The following TMEM114 variants were observed in gnomAD, a reference collection of about 807,000 sequenced individuals.
TMEM114 encodes the protein transmembrane protein 114, also known as claudin-26.
A neutral mutation model predicts 6.2 loss-of-function variants in TMEM114; 6 were observed. That is an observed-to-expected ratio of 0.97 (90% CI 0.53 to 1.91). The LOEUF (loss-of-function observed/expected upper bound fraction) is 1.91. Ranked by LOEUF, TMEM114 falls within the 40% of genes most tolerant of loss-of-function variation. TMEM114 has a pLI of 0.01. For synonymous variants in TMEM114, 104 were observed against 73.0 expected, an observed-to-expected ratio of 1.42 and a Z score of -2.16; for missense variants, 218 against 158.3, an observed-to-expected ratio of 1.38 and a Z score of -2.02.
At position 8,556,991 on chromosome 16, in the gene TMEM114, G is replaced by C. The variant is rs139234406; in HGVS notation, n.213-19165C>G. Among the ~76,000 whole-genome samples, 230 of 152,272 alleles carry C rather than the reference G, an allele frequency of 1.5e-3. 7 individuals are homozygous for C. The East Asian group carries it at 0.042, about 28-fold the overall frequency. On this transcript the variant is annotated intron_variant and non_coding_transcript_variant, in intron 2 of 2. Coordinates refer to the TMEM114 transcript ENST00000623677. Reference sequence around the variant, plus strand: ...AATAGTTGGATTTTGCTGGGGACCAGAGCTGGAGGTGTCTGAGATCCCATG... The same window carrying C: ...AATAGTTGGATTTTGCTGGGGACCACAGCTGGAGGTGTCTGAGATCCCATG...
intron 2 of TMEM114, among the ~76,000 whole-genome samples, chr16:8,538,131 T>C (rs1278501288): frequency 5.4e-4 from 2 of 3,718 alleles, no homozygotes; most frequent in South Asian, 7.7e-3. Context: ...TGACTGTCTC[T>C]ACAAAAAAAA....
chr16:8,580,651 C>T (rs897574883), intron 2 of TMEM114, among the ~76,000 whole-genome samples: 7 of 152,100 alleles, frequency 4.6e-5, no homozygotes, highest in Non-Finnish European at 8.8e-5. Context: ...TATATATTCA[C>T]ATATTCCTCA....
intron 2 of TMEM114, among the ~76,000 whole-genome samples, chr16:8,562,632 A>C (rs1334495896): frequency 7.9e-6 from 1 of 127,020 alleles, no homozygotes; most frequent in Non-Finnish European, 1.8e-5. Flanking sequence ...GAGTGAATGA[A>C]TCAGTCAGTA....
the TMEM114 span, among the ~76,000 whole-genome samples, chr16:8,531,697 A>T: frequency 2.0e-5 from 3 of 152,254 alleles, no homozygotes; most frequent in Non-Finnish European, 4.4e-5. Flanking sequence ...TAACATTCAA[A>T]GTAACAATTG....
chr16:8,553,493 CTT>C (rs112930945), intron 2 of TMEM114, among the ~76,000 whole-genome samples: 1 of 150,520 alleles, frequency 6.6e-6, no homozygotes, highest in Non-Finnish European at 1.5e-5. Context: ...GCTTTTCTTT[CTT>C]TTTTTTTTGA....
intron 2 of TMEM114, among the ~76,000 whole-genome samples, chr16:8,550,776 C>T (rs1000314660): frequency 6.6e-6 from 1 of 151,988 alleles, no homozygotes; most frequent in Admixed American, 6.6e-5. Flanking sequence ...GAATGTTCAC[C>T]TCCTGCCCAC....
intron 2 of TMEM114, among the ~76,000 whole-genome samples, chr16:8,587,745 A>G (rs1902359732): frequency 6.6e-6 from 1 of 152,216 alleles, no homozygotes; most frequent in Admixed American, 6.5e-5. Context: ...TGAGAGACTA[A>G]GGCAGGAAGA....
chr16:8,538,395 G>C lies in TMEM114; in HGVS notation n.213-569C>G, dbSNP rs1015277259. Among the ~76,000 whole-genome samples, 3 of 152,126 alleles carry C rather than the reference G, an allele frequency of 2.0e-5. No homozygotes were observed. The East Asian group carries it at 5.8e-4, about 29-fold the overall frequency. On this transcript the variant is annotated intron_variant and non_coding_transcript_variant, in intron 2 of 2. Coordinates refer to the TMEM114 transcript ENST00000623677. ...AGCCAGTGGGCAGATAGAGACCTGA[G>C]GCAGGAGAGAAGTGTCATCGTGTTC...
chr16:8,542,398 T>C (rs1900541258), intron 2 of TMEM114, among the ~76,000 whole-genome samples: 1 of 152,148 alleles, frequency 6.6e-6, no homozygotes, highest in East Asian at 1.9e-4. Flanking sequence ...GATGTGAGGG[T>C]CTCCCTTAGT....
chr16:8,526,910 G>T, the TMEM114 span, among the ~76,000 whole-genome samples: 1,260 of 152,298 alleles, frequency 8.3e-3, 17 homozygotes, highest in African/African-American at 0.029. Context: ...CTTTGAACAT[G>T]AAAACATGCT....
Position 8,550,785 on chromosome 16 carries a change from A to C in TMEM114, n.213-12959T>G, listed in dbSNP as rs1280977676. On this transcript the variant is annotated intron_variant and non_coding_transcript_variant, in intron 2 of 2. Transcript: ENST00000623677. The stretch of plus-strand genomic sequence containing the variant: ...GGCTCTGAATGTTCACCTCCTGCCC[A>C]CTCCCATATCCACACATGCTTGTGG... Among the ~76,000 whole-genome samples the C allele has an allele frequency of 3.3e-5, 5 of 150,894 alleles. No homozygotes were observed. In the East Asian group the frequency reaches 9.8e-4, roughly 29 times the overall value.
At chr16:8,529,785 C>T in the TMEM114 span, among the ~76,000 whole-genome samples, 1 of 151,620 alleles carries the variant, frequency 6.6e-6, no homozygotes, top group African/African-American at 2.4e-5. Flanking sequence ...ATTCTGATTT[C>T]ATTGACAAAC....
At chr16:8,547,630 AT>A (rs1194128239) in intron 2 of TMEM114, among the ~76,000 whole-genome samples, 1 of 151,970 alleles carries the variant, frequency 6.6e-6, no homozygotes, top group East Asian at 1.9e-4. Flanking sequence ...TGACCTTGTG[AT>A]CCACCCGCCT....
intron 2 of TMEM114, among the ~76,000 whole-genome samples, chr16:8,562,001 T>C (rs528118160): frequency 2.0e-5 from 3 of 150,036 alleles, no homozygotes; most frequent in Admixed American, 6.6e-5. Context: ...TATGAATGAG[T>C]AAATGAGTGA....
At chr16:8,543,584 T>A (rs1900579179) in intron 2 of TMEM114, among the ~76,000 whole-genome samples, 1 of 152,116 alleles carries the variant, frequency 6.6e-6, no homozygotes, top group Admixed American at 6.5e-5. Flanking sequence ...CAACTCATTC[T>A]TTAAAACTCA....
chr16:8,528,605 T>G, the TMEM114 span, among the ~76,000 whole-genome samples: 11 of 152,186 alleles, frequency 7.2e-5, no homozygotes, highest in Non-Finnish European at 1.2e-4. Context: ...CTCTCTTCAC[T>G]CTGTTAACAT....
intron 2 of TMEM114, among the ~76,000 whole-genome samples, chr16:8,581,594 C>T (rs1164748510): frequency 6.6e-6 from 1 of 152,170 alleles, no homozygotes; most frequent in African/African-American, 2.4e-5. Flanking sequence ...GCTGGGACTA[C>T]AGGCGCATGC....
At chr16:8,566,586 C>T (rs1901552808), downstream of TMEM114, among the ~76,000 whole-genome samples, 1 of 152,094 alleles carries the variant, frequency 6.6e-6, no homozygotes, top group Non-Finnish European at 1.5e-5. Flanking sequence ...GAACAGCATC[C>T]CAACCCCACT....
chr16:8,528,595 C>G, the TMEM114 span, among the ~76,000 whole-genome samples: 6 of 152,358 alleles, frequency 3.9e-5, no homozygotes, highest in East Asian at 3.9e-4. Flanking sequence ...GACTCTCTCT[C>G]TCTCTTCACT....
Sources: gnomAD v4.1 joint callset for allele counts (sites outside exome capture counted in the v4.1 genomes callset) on GRCh38, gnomAD v4.1.1 for gene constraint, MANE v1.5 for transcripts, NCBI Gene and HGNC (gene_info 2026-07-23, HGNC 2026-07-21) for gene names.